Variants in MEGF11 observed in about 807,000 individuals in gnomAD.
The protein encoded by MEGF11 is multiple EGF like domains 11.
In MEGF11, 126 loss-of-function variants were observed where a neutral mutation model predicts 146.6. The ratio of observed to expected loss-of-function variants is 0.86; its 90% CI spans 0.74 to 1.00. The LOEUF is 1.00. Ranked by LOEUF, MEGF11 falls within the 50% of genes least tolerant of loss-of-function variation. MEGF11 has a pLI of 0.00. For missense variants in MEGF11, 1,509 were observed against 1,521.2 expected (o/e 0.99, Z 0.13); for synonymous variants, 532 against 583.4 (o/e 0.91, Z 1.27).
intron 1 of MEGF11, among the ~76,000 whole-genome samples, chr15:66,237,892 T>C (rs2092129734): frequency 6.6e-6 from 1 of 152,216 alleles, no homozygotes; most frequent in Admixed American, 6.5e-5. Flanking sequence ...GCATTAGATG[T>C]ATTTTAATAT....
chr15:66,115,417 T>G (rs1345525822), intron 4 of MEGF11, among the ~76,000 whole-genome samples: 3 of 152,230 alleles, frequency 2.0e-5, no homozygotes, highest in African/African-American at 4.8e-5. Flanking sequence ...CATTCTCTCA[T>G]GGGCAAGTGC....
At chr15:66,154,573 T>C (rs2141050336) in intron 1 of MEGF11, among the ~76,000 whole-genome samples, 1 of 152,372 alleles carries the variant, frequency 6.6e-6, no homozygotes, top group Non-Finnish European at 1.5e-5. Context: ...GATGCAGTTA[T>C]TAACTTTTAT....
Position 65,935,046 on chromosome 15 carries a change from C to T in MEGF11, c.1288-4103G>A, listed in dbSNP as rs138449350. 4.3e-4 allele frequency among the ~76,000 whole-genome samples: 66 copies of T among 152,140 alleles called. No individual in the cohort carries two copies. The East Asian group carries it at 6.8e-3, about 16-fold the overall frequency. On this transcript the variant is annotated intron_variant, in intron 10 of 25. Transcript: ENST00000395614. ...AATTAGAAGCACAGCCAAGGCTGGGCGTGATGGCTCAGGCCTGTAATCCCA... is the reference window on the plus strand; with the variant it reads ...AATTAGAAGCACAGCCAAGGCTGGGTGTGATGGCTCAGGCCTGTAATCCCA...
At chr15:65,944,898 G>GTT (rs35017817) in intron 10 of MEGF11, among the ~76,000 whole-genome samples, 20 of 134,306 alleles carry the variant, frequency 1.5e-4, no homozygotes, top group Non-Finnish European at 1.4e-4. Context: ...AAACTCTCAG[G>GTT]TTTTTTTTTT....
At chr15:65,942,924 A>G (rs921473114) in intron 10 of MEGF11, among the ~76,000 whole-genome samples, 5 of 150,738 alleles carry the variant, frequency 3.3e-5, no homozygotes, top group African/African-American at 7.3e-5. Flanking sequence ...CATGATATCC[A>G]TAGTGCTAAA....
intron 20 of MEGF11, 79 bp downstream of exon 20, chr15:65,913,658 C>A: frequency 7.6e-7 from 1 of 1,322,246 alleles, no homozygotes. Context: ...CCACAGCAGC[C>A]AACCCTACAG....
chr15:65,953,522 C>T (rs1269268803), intron 10 of MEGF11, among the ~76,000 whole-genome samples: 5 of 152,204 alleles, frequency 3.3e-5, no homozygotes, highest in Non-Finnish European at 7.3e-5. Context: ...TCCATGGGCC[C>T]TTGTGAGGCA....
In MEGF11 at chr15:65,912,076, C is replaced by T. The variant is rs575003887; in HGVS notation, c.2829+6G>A. 5.6e-5 allele frequency: 69 copies of T among 1,229,950 alleles called. No individual in the cohort carries two copies. The East Asian group carries it at 1.7e-3, about 31-fold the overall frequency. The allele number at this position is 1,229,950 out of a possible 1,614,324, so 76.2% of individuals were successfully genotyped here. A position where few individuals can be genotyped will look rare whatever the true frequency, so the allele number is the denominator to read the frequency against. Reference sequence around the variant, plus strand: ...AGTGGGGGCTGGGGAATCAGGGGCCCGGTACCTTGGTGGGGCTGTTCCTGT... The same window carrying T: ...AGTGGGGGCTGGGGAATCAGGGGCCTGGTACCTTGGTGGGGCTGTTCCTGT... On this transcript the variant is annotated splice_donor_region_variant and intron_variant, in intron 21 of 25. Transcript: ENST00000395614.
At chr15:66,017,760 CAG>C (rs2082941945) in intron 5 of MEGF11, among the ~76,000 whole-genome samples, 1 of 152,198 alleles carries the variant, frequency 6.6e-6, no homozygotes, top group African/African-American at 2.4e-5. Context: ...GTCTTGGGTC[CAG>C]AGAGAGGTTT....
intron 5 of MEGF11, among the ~76,000 whole-genome samples, chr15:66,019,296 A>C (rs2083013844): frequency 1.3e-5 from 2 of 152,166 alleles, no homozygotes; most frequent in African/African-American, 4.8e-5. Context: ...TGCTGAACGA[A>C]GTCTAATTTA....
chr15:66,042,072 C>T (rs2140300361), intron 5 of MEGF11, among the ~76,000 whole-genome samples: 1 of 150,856 alleles, frequency 6.6e-6, no homozygotes, highest in Non-Finnish European at 1.5e-5. Context: ...GGTATTTGGT[C>T]ATGTAGCAGA....
intron 2 of MEGF11, among the ~76,000 whole-genome samples, chr15:66,126,088 GC>G (rs2088326726): frequency 6.6e-6 from 1 of 152,208 alleles, no homozygotes; most frequent in African/African-American, 2.4e-5. Flanking sequence ...GGACGGCCAG[GC>G]TTTACTAGCC....
intron 4 of MEGF11, among the ~76,000 whole-genome samples, chr15:66,112,121 A>G (rs760424800): frequency 7.9e-5 from 12 of 151,852 alleles, no homozygotes; most frequent in Non-Finnish European, 1.8e-4. Context: ...ACAATCTGCC[A>G]TAATGGAGAA....
At chr15:66,030,958 A>G (rs532814899) in intron 5 of MEGF11, among the ~76,000 whole-genome samples, 25 of 152,312 alleles carry the variant, frequency 1.6e-4, no homozygotes, top group African/African-American at 5.5e-4. Context: ...GAGGGCTCAT[A>G]AGCTGTTTAG....
At chr15:65,956,782 T>C (rs1411541101) in intron 10 of MEGF11, among the ~76,000 whole-genome samples, 1 of 152,206 alleles carries the variant, frequency 6.6e-6, no homozygotes, top group African/African-American at 2.4e-5. Flanking sequence ...ATGTTCACTC[T>C]CCCTCGTAAT....
chr15:66,039,031 G>A (rs1002241541), intron 5 of MEGF11, among the ~76,000 whole-genome samples: 1 of 152,180 alleles, frequency 6.6e-6, no homozygotes, highest in African/African-American at 2.4e-5. Flanking sequence ...TGTCTCCTGT[G>A]AACTTGCTGG....
Position 65,984,862 on chromosome 15 carries a change from G to A in MEGF11, c.395-2374C>T, listed in dbSNP as rs193012799. On this transcript the variant is annotated intron_variant, in intron 5 of 25. Coordinates refer to ENST00000395614, the MANE Select transcript of MEGF11 (RefSeq NM_001385028.1). ...CGGCTCACTGCAACCTCTGTCTCCCGGGTTCAAGCAATTCTCCTGCCTCAG... is the reference window on the plus strand; with the variant it reads ...CGGCTCACTGCAACCTCTGTCTCCCAGGTTCAAGCAATTCTCCTGCCTCAG... 2.4e-3 allele frequency among the ~76,000 whole-genome samples: 363 copies of A among 151,400 alleles called. 1 individual carries two copies. Among genetic ancestry groups the A allele is most frequent in the African/African-American group, 8.6e-3 (353 of 41,194 alleles).
At chr15:65,943,792 G>T (rs148176651) in intron 10 of MEGF11, among the ~76,000 whole-genome samples, 20 of 152,308 alleles carry the variant, frequency 1.3e-4, no homozygotes, top group Admixed American at 4.6e-4. Flanking sequence ...TGATCATAGT[G>T]GCTTTGAGCA....
rs756286746 is a variant in MEGF11, at chr15:65,916,962, A to T, written c.2087-6T>A. 30 of 1,499,382 alleles carry T rather than the reference A, an allele frequency of 2.0e-5. No homozygotes were observed. Among genetic ancestry groups the T allele is most frequent in the Non-Finnish European group, 2.5e-5 (28 of 1,119,370 alleles). The allele number at this position is 1,499,382 out of a possible 1,614,324, so 92.9% of individuals were successfully genotyped here. A position where few individuals can be genotyped will look rare whatever the true frequency, so the allele number is the denominator to read the frequency against. ...CCAGAACCCGGGTGGGCAAGCTGGGATGTCGGTGAAATGCAGAGGGTGAGG... is the reference window on the plus strand; with the variant it reads ...CCAGAACCCGGGTGGGCAAGCTGGGTTGTCGGTGAAATGCAGAGGGTGAGG... On this transcript the variant is annotated splice_region_variant and splice_polypyrimidine_tract_variant and intron_variant, in intron 16 of 25. Coordinates refer to ENST00000395614, the MANE Select transcript of MEGF11 (RefSeq NM_001385028.1).
Sources: gnomAD v4.1 joint callset for allele counts (sites outside exome capture counted in the v4.1 genomes callset) on GRCh38, gnomAD v4.1.1 for gene constraint, MANE v1.5 for transcripts, NCBI Gene and HGNC (gene_info 2026-07-23, HGNC 2026-07-21) for gene names.